Variants in SGCD observed in about 807,000 individuals in gnomAD.
SGCD encodes sarcoglycan delta, also known as delta-sarcoglycan.
SGCD carries 18 observed loss-of-function variants against 36.6 expected under a neutral mutation model. The observed-to-expected ratio is 0.49, with a 90% CI of 0.34 to 0.73. The LOEUF is 0.73. Ranked by LOEUF, SGCD falls within the 30% of genes least tolerant of loss-of-function variation. SGCD has a pLI of 0.01. For missense variants in SGCD, 387 were observed against 346.7 expected, an observed-to-expected ratio of 1.12 and a Z score of -0.92; for synonymous variants, 133 against 130.6, an observed-to-expected ratio of 1.02 and a Z score of -0.12.
At chr5:155,968,691 T>A (rs1757950009) in intron 1 of SGCD, among the ~76,000 whole-genome samples, 1 of 152,040 alleles carries the variant, frequency 6.6e-6, no homozygotes, top group African/African-American at 2.4e-5. Context: ...TTGGAACGTA[T>A]CCTCCTCAGA....
At chr5:156,332,741 A>G (rs1276309439) in intron 2 of SGCD, among the ~76,000 whole-genome samples, 1 of 152,230 alleles carries the variant, frequency 6.6e-6, no homozygotes, top group Non-Finnish European at 1.5e-5. Flanking sequence ...ATCGGATTAT[A>G]GCTAAGACTG....
intron 1 of SGCD, among the ~76,000 whole-genome samples, chr5:155,965,958 G>A (rs1757893909): frequency 6.6e-6 from 1 of 152,006 alleles, no homozygotes; most frequent in South Asian, 2.1e-4. Flanking sequence ...TGGGTTGTAG[G>A]ACTTGAGGAA....
intron 6 of SGCD, among the ~76,000 whole-genome samples, chr5:156,638,270 G>A (rs890975837): frequency 3.9e-5 from 6 of 152,008 alleles, no homozygotes; most frequent in African/African-American, 1.4e-4. Context: ...TCACTCCCAG[G>A]TGGAAGGGCA....
At chr5:155,954,969 G>A (rs1267015476) in intron 1 of SGCD, among the ~76,000 whole-genome samples, 1 of 152,152 alleles carries the variant, frequency 6.6e-6, no homozygotes, top group Non-Finnish European at 1.5e-5. Context: ...AGCAGAGCCA[G>A]TGTTTTAGTT....
chr5:155,798,971 A>T, the SGCD span, among the ~76,000 whole-genome samples: 2 of 152,132 alleles, frequency 1.3e-5, no homozygotes, highest in Non-Finnish European at 2.9e-5. Context: ...TTTCCAGGTA[A>T]TTTCCTGAGT....
intron 3 of SGCD, among the ~76,000 whole-genome samples, chr5:156,356,044 A>G (rs1276630324): frequency 1.3e-5 from 2 of 152,208 alleles, no homozygotes; most frequent in East Asian, 1.9e-4. Flanking sequence ...CAATATATTA[A>G]GTGCCAGGGA....
the SGCD span, among the ~76,000 whole-genome samples, chr5:155,825,708 G>C: frequency 7.2e-6 from 1 of 138,366 alleles, no homozygotes; most frequent in African/African-American, 2.7e-5. Context: ...ATATATCTTA[G>C]ATGTTTGACT....
chr5:155,930,834 G>A (rs1757084850), intron 1 of SGCD, among the ~76,000 whole-genome samples: 1 of 152,154 alleles, frequency 6.6e-6, no homozygotes, highest in African/African-American at 2.4e-5. Flanking sequence ...TAAGATTAAA[G>A]TATTCTTACT....
rs534131526 is a variant in SGCD, at chr5:156,762,566, T to G, written c.*3176T>G. On this transcript the variant is annotated 3_prime_UTR_variant, in exon 9 of 9. Coordinates refer to ENST00000337851, the MANE Select transcript of SGCD (RefSeq NM_000337.6). Reference sequence around the variant, plus strand: ...ATTTTCATCGCATATCCAGCAACTATAGACCAAAGTTTGCTTAAGGTTTGA... The same window carrying G: ...ATTTTCATCGCATATCCAGCAACTAGAGACCAAAGTTTGCTTAAGGTTTGA... 27 of 152,794 alleles carry G rather than the reference T, an allele frequency of 1.8e-4. No individual in the cohort carries two copies. The highest frequency in any genetic ancestry group is 6.0e-4 in the African/African-American group (25 of 41,596). The allele number at this position is 152,794 out of a possible 1,614,324, so 9.5% of individuals were successfully genotyped here.
rs79760657 is a variant in SGCD at position 156,688,285 on chromosome 5, T to C, written c.575+40749T>C. The stretch of plus-strand genomic sequence containing the variant: ...CCTATAAATATTTGGAATTTAAATA[T>C]TCGTTGAATGAAAGAGTGACCAAAT... On this transcript the variant is annotated intron_variant, in intron 7 of 8. Coordinates refer to ENST00000337851, the MANE Select transcript of SGCD (RefSeq NM_000337.6). Among the ~76,000 whole-genome samples, 392 of 152,272 alleles carry C rather than the reference T, an allele frequency of 2.6e-3. 4 individuals are homozygous for C. The highest frequency in any genetic ancestry group is 9.2e-3 in the African/African-American group (381 of 41,566).
At chr5:156,423,466 AAAT>A (rs1456673126) in intron 3 of SGCD, among the ~76,000 whole-genome samples, 3 of 107,988 alleles carry the variant, frequency 2.8e-5, no homozygotes, top group Admixed American at 1.2e-4. Flanking sequence ...TATATTAATT[AAAT>A]AATAATTAAT....
intron 1 of SGCD, among the ~76,000 whole-genome samples, chr5:156,073,263 T>C (rs1363277316): frequency 6.6e-6 from 1 of 152,114 alleles, no homozygotes; most frequent in African/African-American, 2.4e-5. Flanking sequence ...TCCCCTCTAT[T>C]ATATCATACT....
At chr5:156,679,888 T>C (rs1031748991) in intron 7 of SGCD, among the ~76,000 whole-genome samples, 20 of 152,334 alleles carry the variant, frequency 1.3e-4, no homozygotes, top group African/African-American at 4.6e-4. Context: ...TATAGACTAA[T>C]GCCTCAGGAT....
intron 1 of SGCD, among the ~76,000 whole-genome samples, chr5:156,042,115 G>A (rs1759649749): frequency 6.6e-6 from 1 of 152,022 alleles, no homozygotes; most frequent in Non-Finnish European, 1.5e-5. Context: ...AACTGCACAA[G>A]TAGACTGTTT....
intron 3 of SGCD, among the ~76,000 whole-genome samples, chr5:156,206,702 A>G (rs983886949): frequency 1.3e-5 from 2 of 152,118 alleles, no homozygotes; most frequent in African/African-American, 4.8e-5. Flanking sequence ...TAGATCTTGT[A>G]TACTATAAGT....
the SGCD span, among the ~76,000 whole-genome samples, chr5:155,760,323 C>CTCTCCA: frequency 0.083 from 2 of 24 alleles, no homozygotes; most frequent in Non-Finnish European, 0.11. Flanking sequence ...CATCATCACT[C>CTCTCCA]TNNNNNNNNN....
chr5:156,237,648 C>T (rs572637219), intron 3 of SGCD, among the ~76,000 whole-genome samples: 2 of 151,964 alleles, frequency 1.3e-5, no homozygotes, highest in South Asian at 2.1e-4. Context: ...AAAAACAAAG[C>T]GGGACACTTT....
intron 3 of SGCD, among the ~76,000 whole-genome samples, chr5:156,432,639 G>A (rs372215188): frequency 1.3e-5 from 2 of 152,148 alleles, no homozygotes; most frequent in East Asian, 1.9e-4. Flanking sequence ...AGGGTGTGCT[G>A]TGGCCACTGT....
chr5:156,008,675 C>CTACAT (rs1172609222), intron 1 of SGCD, among the ~76,000 whole-genome samples: 1 of 152,166 alleles, frequency 6.6e-6, no homozygotes, highest in Non-Finnish European at 1.5e-5. Context: ...GGTGCCCAGC[C>CTACAT]TACATTGTCT....
Sources: gnomAD v4.1 joint callset for allele counts (sites outside exome capture counted in the v4.1 genomes callset) on GRCh38, gnomAD v4.1.1 for gene constraint, MANE v1.5 for transcripts, NCBI Gene and HGNC (gene_info 2026-07-23, HGNC 2026-07-21) for gene names.